MAGI1: variants seen among roughly 807,000 people sequenced by gnomAD.
MAGI1 encodes membrane associated guanylate kinase, WW and PDZ domain containing 1.
Under a neutral mutation model 139.9 loss-of-function variants are expected in MAGI1, and 58 were observed. That is an observed-to-expected ratio of 0.41 (90% CI 0.34 to 0.52). MAGI1 has a LOEUF of 0.52. MAGI1 is among the 20% of genes least tolerant of loss of function. The probability of loss-of-function intolerance (pLI) is 0.12; values close to 1 mark genes in which losing one functional copy is unlikely to be tolerated. For missense variants in MAGI1, 1,874 were observed against 1,901.6 expected, an observed-to-expected ratio of 0.99 and a Z score of 0.27; for synonymous variants, 812 against 737.9, an observed-to-expected ratio of 1.10 and a Z score of -1.63.
chr3:66,036,320 C>T (rs1034579844), intron 1 of MAGI1, among the ~76,000 whole-genome samples: 31 of 152,174 alleles, frequency 2.0e-4, no homozygotes, highest in African/African-American at 7.2e-4. Context: ...GAGGAAGACG[C>T]ATTGTCAGGC....
At chr3:65,480,852 T>C (rs903715955) in intron 3 of MAGI1, among the ~76,000 whole-genome samples, 6 of 152,060 alleles carry the variant, frequency 3.9e-5, no homozygotes, top group African/African-American at 1.4e-4. Context: ...CCTCCCAAAA[T>C]GCTGGGATTA....
chr3:65,862,070 G>C (rs2059574879), intron 1 of MAGI1, among the ~76,000 whole-genome samples: 1 of 152,098 alleles, frequency 6.6e-6, no homozygotes, highest in Admixed American at 6.6e-5. Context: ...TATGTCTAAT[G>C]AGGCTCTGTC....
rs146558750 is a variant in MAGI1, at chr3:65,691,807, C to T, written c.314-69719G>A. ...ATTTGAGACTGCTGTGGTGTGTTTA[C>T]ATCTGAGCAAGAAGAAAAAGGCATG... On this transcript the variant is annotated intron_variant, in intron 1 of 22. Transcript: ENST00000402939. Among the ~76,000 whole-genome samples the T allele has an allele frequency of 1.5e-3, 233 of 152,282 alleles. 1 individual carries two copies. The highest frequency in any genetic ancestry group is 4.5e-3 in the African/African-American group (187 of 41,568).
At chr3:65,549,283 T>G in intron 2 of MAGI1, 2 of 397,302 alleles carry the variant, frequency 5.0e-6, no homozygotes, top group African/African-American at 2.2e-5. Flanking sequence ...TCTCCTTCCT[T>G]CCCTTTCCTC....
intron 1 of MAGI1, among the ~76,000 whole-genome samples, chr3:65,789,198 T>C (rs2039591214): frequency 6.6e-6 from 1 of 151,626 alleles, no homozygotes; most frequent in Non-Finnish European, 1.5e-5. Flanking sequence ...AACAAACAAA[T>C]GATAATAAAT....
chr3:65,694,404 A>C (rs1048531573), intron 1 of MAGI1, among the ~76,000 whole-genome samples: 2 of 152,056 alleles, frequency 1.3e-5, no homozygotes, highest in Non-Finnish European at 2.9e-5. Context: ...TGGTATACAT[A>C]ATGTGCTTTG....
intron 1 of MAGI1, among the ~76,000 whole-genome samples, chr3:65,997,046 A>G (rs1560095095): frequency 6.6e-6 from 1 of 152,172 alleles, no homozygotes. Flanking sequence ...TTTAATTGGG[A>G]TATATATGGT....
intron 1 of MAGI1, among the ~76,000 whole-genome samples, chr3:65,955,243 C>T (rs867825537): frequency 3.3e-5 from 5 of 152,294 alleles, no homozygotes; most frequent in Non-Finnish European, 4.4e-5. Context: ...TGGTGGCTGA[C>T]GCCTGTAATC....
rs543462139 is a variant in MAGI1, at chr3:65,704,642, A to G, written c.314-82554T>C. ...CTTATGTGGTTTTTAAAATTTAGGA[A>G]TGCTATGGTAGTCACTTCAATTTTC... On this transcript the variant is annotated intron_variant, in intron 1 of 22. Coordinates refer to ENST00000402939, the MANE Select transcript of MAGI1 (RefSeq NM_001033057.2). Among the ~76,000 whole-genome samples the G allele has an allele frequency of 1.4e-3, 207 of 152,270 alleles. 1 individual carries two copies. The highest frequency in any genetic ancestry group is 2.3e-3 in the Admixed American group (35 of 15,294).
intron 1 of MAGI1, among the ~76,000 whole-genome samples, chr3:65,636,579 A>G (rs2107197790): frequency 6.6e-6 from 1 of 152,280 alleles, no homozygotes; most frequent in East Asian, 1.9e-4. Flanking sequence ...TTCCCCTCTG[A>G]CAGGCTCACT....
intron 2 of MAGI1, among the ~76,000 whole-genome samples, chr3:65,550,614 T>A (rs11916056): frequency 1.3e-5 from 2 of 151,908 alleles, no homozygotes; most frequent in East Asian, 1.9e-4. Flanking sequence ...TCAATTTGAC[T>A]AAACTGGGAT....
intron 1 of MAGI1, among the ~76,000 whole-genome samples, chr3:65,892,213 CCTAA>C (rs1337461538): frequency 1.3e-5 from 2 of 151,784 alleles, no homozygotes; most frequent in Admixed American, 1.3e-4. Context: ...GTTCAGTGAC[CCTAA>C]CTGTGAAGCT....
At position 65,526,248 on chromosome 3, in the gene MAGI1, C is replaced by A. The variant is rs76887989; in HGVS notation, c.431-32617G>T. Reference sequence around the variant, plus strand: ...TGTGAAGGTGTTGTTGACATCTTTGCCATTTTTTGCCAAAATGACTGCTCA... The same window carrying A: ...TGTGAAGGTGTTGTTGACATCTTTGACATTTTTTGCCAAAATGACTGCTCA... On this transcript the variant is annotated intron_variant, in intron 2 of 22. Transcript: ENST00000402939. Among the ~76,000 whole-genome samples the A allele has an allele frequency of 2.8e-4, 42 of 152,208 alleles. No homozygotes were observed. The East Asian group carries it at 8.1e-3, about 29-fold the overall frequency.
At chr3:65,918,033 G>A (rs190982760) in intron 1 of MAGI1, among the ~76,000 whole-genome samples, 2 of 152,180 alleles carry the variant, frequency 1.3e-5, no homozygotes, top group Admixed American at 1.3e-4. Flanking sequence ...GAAGCAGAGG[G>A]TACATAGGAA....
At chr3:65,641,245 G>C (rs910495001) in intron 1 of MAGI1, among the ~76,000 whole-genome samples, 2 of 152,140 alleles carry the variant, frequency 1.3e-5, no homozygotes, top group African/African-American at 2.4e-5. Flanking sequence ...ATGTTCTAAC[G>C]ACAAGGCATC....
intron 1 of MAGI1, among the ~76,000 whole-genome samples, chr3:65,685,310 T>TTAA (rs956001047): frequency 4.0e-5 from 6 of 148,462 alleles, no homozygotes; most frequent in Non-Finnish European, 7.4e-5. Context: ...ATTTCTTCAT[T>TTAA]TAAAAAAAAA....
intron 2 of MAGI1, among the ~76,000 whole-genome samples, chr3:65,519,604 T>C (rs1234144618): frequency 1.3e-5 from 2 of 152,120 alleles, no homozygotes; most frequent in Non-Finnish European, 2.9e-5. Context: ...CAGGCTGGTC[T>C]CAAACTCCTG....
intron 2 of MAGI1, among the ~76,000 whole-genome samples, chr3:65,517,595 G>A (rs1259475476): frequency 3.3e-5 from 5 of 152,320 alleles, no homozygotes; most frequent in Non-Finnish European, 4.4e-5. Flanking sequence ...TGCTGTTCCT[G>A]TCAGTATGTC....
intron 1 of MAGI1, among the ~76,000 whole-genome samples, chr3:65,785,317 C>A (rs1277139069): frequency 6.6e-6 from 1 of 152,114 alleles, no homozygotes; most frequent in Non-Finnish European, 1.5e-5. Context: ...GTCCTATTTA[C>A]CAATTTGATT....
Sources: allele counts gnomAD v4.1 joint callset (sites outside exome capture counted in the v4.1 genomes callset), GRCh38; gene constraint gnomAD v4.1.1; transcripts MANE v1.5; gene names NCBI Gene and HGNC (gene_info 2026-07-23, HGNC 2026-07-21).